Variants in SLC16A10 observed in about 807,000 individuals in gnomAD.
The protein encoded by SLC16A10 is monocarboxylate transporter 10.
A neutral mutation model predicts 40.0 loss-of-function variants in SLC16A10; 27 were observed. The ratio of observed to expected loss-of-function variants is 0.67; its 90% CI spans 0.50 to 0.93. SLC16A10 has a LOEUF of 0.93. Ranked by LOEUF, SLC16A10 falls within the 40% of genes least tolerant of loss-of-function variation. SLC16A10 has a pLI of 0.00. For missense variants in SLC16A10, 529 were observed against 658.2 expected (o/e 0.80, Z 2.15); for synonymous variants, 213 against 249.8 (o/e 0.85, Z 1.39).
chr6:111,122,333 A>C (rs142028186), intron 1 of SLC16A10, among the ~76,000 whole-genome samples: 24 of 152,304 alleles, frequency 1.6e-4, no homozygotes, highest in East Asian at 5.8e-4. Context: ...GACAAAGAAG[A>C]ATATGCTTTG....
intron 3 of SLC16A10, among the ~76,000 whole-genome samples, chr6:111,192,137 TTTATGGTTC>T (rs1467061399): frequency 6.6e-6 from 1 of 152,236 alleles, no homozygotes; most frequent in Non-Finnish European, 1.5e-5. Flanking sequence ...TTCTAAGGTT[TTTATGGTTC>T]TGTTGCATCG....
At chr6:111,200,075 C>T (rs529391066) in intron 3 of SLC16A10, among the ~76,000 whole-genome samples, 1 of 152,122 alleles carries the variant, frequency 6.6e-6, no homozygotes, top group African/African-American at 2.4e-5. Flanking sequence ...ATGGAAAGAT[C>T]TGCTGTTTAA....
chr6:111,122,750 G>T (rs1395381478), intron 1 of SLC16A10, among the ~76,000 whole-genome samples: 2 of 152,140 alleles, frequency 1.3e-5, no homozygotes, highest in Non-Finnish European at 2.9e-5. Context: ...GTAAAGCAGT[G>T]GTGAGGACGA....
At chr6:111,220,837 C>T (rs1770875642) in intron 5 of SLC16A10, among the ~76,000 whole-genome samples, 1 of 152,224 alleles carries the variant, frequency 6.6e-6, no homozygotes, top group Non-Finnish European at 1.5e-5. Flanking sequence ...GCAGGCAGAA[C>T]ACCACCACAC....
Position 111,229,990 on chromosome 6 carries a change from C to CTTTTT in SLC16A10, c.*7769_*7773dup, listed in dbSNP as rs4038340. On this transcript the variant is annotated 3_prime_UTR_variant, in exon 6 of 6. Transcript: ENST00000368851. ...CAGGTTTCTTTTTCTTTCTTTGTTT[C>CTTTTT]TTTTTTTTTTTTTTTTTTGAGATGG... 3.5e-4 allele frequency: 30 copies of CTTTTT among 85,366 alleles called. 3 individuals carry two copies. Among genetic ancestry groups the CTTTTT allele is most frequent in the African/African-American group, 1.3e-3 (25 of 19,990 alleles). 5.3% of individuals were successfully genotyped at this position (85,366 alleles called of 1,614,324 possible).
intron 4 of SLC16A10, among the ~76,000 whole-genome samples, chr6:111,210,811 C>T (rs1773333242): frequency 2.0e-5 from 3 of 152,014 alleles, no homozygotes; most frequent in Non-Finnish European, 4.4e-5. Flanking sequence ...CCAAGGCTGG[C>T]GGATCACGAG....
chr6:111,208,614 A>T (rs1350226773), intron 4 of SLC16A10, among the ~76,000 whole-genome samples: 4 of 151,940 alleles, frequency 2.6e-5, no homozygotes, highest in Non-Finnish European at 5.9e-5. Context: ...AACTGTGAAG[A>T]GTGGAATGGA....
intron 1 of SLC16A10, among the ~76,000 whole-genome samples, chr6:111,137,227 G>C (rs901683976): frequency 4.6e-5 from 7 of 152,336 alleles, no homozygotes; most frequent in Admixed American, 4.6e-4. Context: ...TCATGAGGAC[G>C]TAGTTTCCTC....
At chr6:111,101,453 A>G (rs1049764047) in intron 1 of SLC16A10, among the ~76,000 whole-genome samples, 4 of 152,142 alleles carry the variant, frequency 2.6e-5, no homozygotes, top group African/African-American at 9.7e-5. Flanking sequence ...CAGGTACCCT[A>G]TAATCAAATA....
intron 1 of SLC16A10, among the ~76,000 whole-genome samples, chr6:111,156,305 T>G (rs1000359960): frequency 1.7e-4 from 26 of 152,196 alleles, no homozygotes; most frequent in African/African-American, 6.3e-4. Context: ...TGTGGGCTGC[T>G]TAGTGACTTC....
chr6:111,205,395 GA>G (rs1395656667), intron 3 of SLC16A10, among the ~76,000 whole-genome samples: 1 of 152,136 alleles, frequency 6.6e-6, no homozygotes, highest in Non-Finnish European at 1.5e-5. Context: ...AGGCATTATG[GA>G]AAGGTCAAAC....
intron 1 of SLC16A10, among the ~76,000 whole-genome samples, chr6:111,105,528 T>A (rs1238393279): frequency 6.6e-6 from 1 of 152,152 alleles, no homozygotes; most frequent in African/African-American, 2.4e-5. Flanking sequence ...GGAGGAGGTG[T>A]CATCTTTATG....
chr6:111,088,332 G>C (rs1770908271), intron 1 of SLC16A10, among the ~76,000 whole-genome samples: 1 of 152,248 alleles, frequency 6.6e-6, no homozygotes, highest in African/African-American at 2.4e-5. Context: ...GCAGGTCGCA[G>C]AACTTACTTG....
Position 111,087,932 on chromosome 6 carries a change from G to T in SLC16A10, c.180G>T (p.Glu60Asp), listed in dbSNP as rs1418356751. 4 of 1,604,182 alleles carry T rather than the reference G, an allele frequency of 2.5e-6. No individual in the cohort carries two copies. The highest frequency in any genetic ancestry group is 3.4e-6 in the Non-Finnish European group (4 of 1,176,464). Residue 60 changes from glutamate (E) to aspartate (D), a missense_variant, in exon 1 of 6, where the codon GAG (glutamate) becomes GAT (aspartate). Transcript: ENST00000368851. ...GGCCGGCGACCGCGGAGCCCCATGA[G>T]CCCCCCGAACCCCCCGAGGGCGGCT... is the stretch of plus-strand genomic sequence containing the variant. Reference protein sequence around the residue: ...LAGPATAEPHEPPEPPEGGWG... With the variant: ...LAGPATAEPHDPPEPPEGGWG...
chr6:111,201,140 G>A (rs1773161928), intron 3 of SLC16A10, among the ~76,000 whole-genome samples: 1 of 152,104 alleles, frequency 6.6e-6, no homozygotes, highest in South Asian at 2.1e-4. Context: ...CCTAGCCATT[G>A]TCCACCCCTT....
At chr6:111,116,332 C>T (rs1381734320) in intron 1 of SLC16A10, among the ~76,000 whole-genome samples, 1 of 151,982 alleles carries the variant, frequency 6.6e-6, no homozygotes, top group African/African-American at 2.4e-5. Flanking sequence ...ATTCTCATGC[C>T]TCAGCCTCCG....
At chr6:111,102,873 G>A (rs374479139) in intron 1 of SLC16A10, among the ~76,000 whole-genome samples, 3 of 151,804 alleles carry the variant, frequency 2.0e-5, no homozygotes, top group African/African-American at 7.3e-5. Flanking sequence ...TTAATTTTGG[G>A]GTATGTTAAA....
chr6:111,132,505 C>A (rs1474352840), intron 1 of SLC16A10, among the ~76,000 whole-genome samples: 1 of 152,180 alleles, frequency 6.6e-6, no homozygotes, highest in South Asian at 2.1e-4. Context: ...GGCATTCAGT[C>A]GGTAGCGGCA....
At chr6:111,133,472 TC>T (rs1771822067) in intron 1 of SLC16A10, among the ~76,000 whole-genome samples, 1 of 152,102 alleles carries the variant, frequency 6.6e-6, no homozygotes, top group Non-Finnish European at 1.5e-5. Flanking sequence ...TGACTTACAT[TC>T]CTCTGCAGTA....
Sources: gnomAD v4.1 joint callset for allele counts (sites outside exome capture counted in the v4.1 genomes callset) on GRCh38, gnomAD v4.1.1 for gene constraint, MANE v1.5 for transcripts, NCBI Gene and HGNC (gene_info 2026-07-23, HGNC 2026-07-21) for gene names.